CCDC82: variants seen among roughly 807,000 people sequenced by gnomAD.
The protein encoded by CCDC82 is coiled-coil domain-containing protein 82.
CCDC82 carries 47 observed loss-of-function variants against 60.6 expected under a neutral mutation model. That is an observed-to-expected ratio of 0.77 (90% CI 0.61 to 0.99). The LOEUF (loss-of-function observed/expected upper bound fraction) is 0.99. CCDC82 is among the 50% of genes least tolerant of loss of function. The pLI is 0.00. For missense variants in CCDC82, 588 were observed against 633.0 expected (o/e 0.93, Z 0.76); for synonymous variants, 212 against 207.4 (o/e 1.02, Z -0.19).
intron 9 of CCDC82, chr11:96,356,458 C>T: frequency 1.0e-6 from 1 of 985,372 alleles, no homozygotes; most frequent in Non-Finnish European, 1.2e-6. Context: ...CTTCTATTGA[C>T]ATGCTTTCTT....
chr11:96,356,687 ATCT>A, intron 9 of CCDC82: 5 of 951,196 alleles, frequency 5.3e-6, no homozygotes, highest in Non-Finnish European at 6.3e-6. Flanking sequence ...TTTTCCTATT[ATCT>A]ATTCTTTTCT....
intron 5 of CCDC82, among the ~76,000 whole-genome samples, chr11:96,379,283 A>C (rs1210347445): frequency 6.6e-6 from 1 of 151,906 alleles, no homozygotes; most frequent in Admixed American, 6.6e-5. Flanking sequence ...TTATATTTAG[A>C]TATGGTATAA....
chr11:96,365,618 T>C (rs1227732285), intron 7 of CCDC82, among the ~76,000 whole-genome samples: 1 of 152,210 alleles, frequency 6.6e-6, no homozygotes, highest in Non-Finnish European at 1.5e-5. Flanking sequence ...AATCCTCCTA[T>C]GATAACTTAC....
At chr11:96,353,821 G>A (rs1259936801) in intron 9 of CCDC82, 107 bp from the exon 10 acceptor site, 8 of 701,962 alleles carry the variant, frequency 1.1e-5, no homozygotes, top group African/African-American at 1.8e-5. Flanking sequence ...CATGGTAATC[G>A]TGAACAAAAA....
At position 96,384,571 on chromosome 11, in the gene CCDC82, T is replaced by G. The variant is rs762305827; in HGVS notation, c.177A>C (p.Glu59Asp). The change falls in exon 4 of 10, where the codon GAA becomes GAC. Residue 59 changes from glutamate (E) to aspartate (D), a missense_variant. Transcript: ENST00000646818. ...FDSDEELDSDESFENDEELDS... is the reference protein window; with the variant it reads ...FDSDEELDSDDSFENDEELDS... ...CAAGCTCTTCATCATTTTCAAAACT[T>G]TCATCACTATCAAGCTCTTCATCAC... The G allele has an allele frequency of 1.9e-6, 3 of 1,613,570 alleles. No homozygotes were observed. The highest frequency in any genetic ancestry group is 2.7e-5 in the African/African-American group (2 of 74,908).
rs1865237747 is a variant in CCDC82 at position 96,371,097 on chromosome 11, T to C, written c.1125A>G (p.Thr375=). 4 of 1,603,920 alleles carry C rather than the reference T, an allele frequency of 2.5e-6. No homozygotes were observed. Among genetic ancestry groups the C allele is most frequent in the Non-Finnish European group, 3.4e-6 (4 of 1,175,290 alleles). ...AGCGGTTATCCAAATAATGAAGAGA[T>C]GTTAGCATATCTTTTGCATATGATT... The part of the protein sequence containing the change: ...RQKSYAKDML[T]SLHYLDNRFV... The change falls in exon 7 of 10, where the codon ACA becomes ACG. Residue 375 remains threonine (T), a synonymous_variant. Transcript: ENST00000646818.
At chr11:96,357,767 T>C in intron 9 of CCDC82, 2 of 985,410 alleles carry the variant, frequency 2.0e-6, no homozygotes, top group Non-Finnish European at 2.4e-6. Context: ...GAATTTAATG[T>C]TGTCTAGGAA....
At chr11:96,383,850 T>C in intron 4 of CCDC82, 112 bp downstream of exon 4, 1 of 982,184 alleles carries the variant, frequency 1.0e-6, no homozygotes, top group Non-Finnish European at 1.5e-6. Context: ...GATTAAAAAA[T>C]AAATTCTAGA....
At position 96,371,005 on chromosome 11, in the gene CCDC82, C is replaced by T. The variant is rs1865232045; in HGVS notation, c.1209+8G>A. On this transcript the variant is annotated splice_region_variant and intron_variant, in intron 7 of 9. Transcript: ENST00000646818. ...CCCCAAGCAGAGATTCAAAAACAAA[C>T]TGTGTACCTTATATTGCTCTTTCCA... The T allele has an allele frequency of 6.4e-7, 1 of 1,560,940 alleles. No homozygotes were observed. The highest frequency in any genetic ancestry group is 1.3e-5 in the South Asian group (1 of 79,492).
chr11:96,357,209 G>T, intron 9 of CCDC82: 1 of 985,256 alleles, frequency 1.0e-6, no homozygotes, highest in Non-Finnish European at 1.2e-6. Context: ...GCTGCAAATG[G>T]GTTTATATTG....
intron 5 of CCDC82, among the ~76,000 whole-genome samples, chr11:96,379,971 T>C (rs955160483): frequency 2.0e-5 from 3 of 151,508 alleles, no homozygotes; most frequent in Non-Finnish European, 4.4e-5. Context: ...TAAATAGTAA[T>C]AGAGGAAAGG....
At chr11:96,364,787 GCA>G (rs1046752659) in intron 8 of CCDC82, 191 bp downstream of exon 8, 22 of 507,386 alleles carry the variant, frequency 4.3e-5, no homozygotes, top group Non-Finnish European at 7.0e-5. Context: ...TCTAGTTGAA[GCA>G]CAGTGTTTTT....
intron 7 of CCDC82, among the ~76,000 whole-genome samples, chr11:96,368,724 G>C (rs1469497895): frequency 6.6e-6 from 1 of 152,090 alleles, no homozygotes; most frequent in East Asian, 1.9e-4. Context: ...AAATCAGCCA[G>C]GCGTGGTGGC....
At position 96,383,392 on chromosome 11, in the gene CCDC82, C is replaced by T. The variant is rs140141313; in HGVS notation, c.868G>A (p.Gly290Arg). The T allele has an allele frequency of 1.4e-4, 227 of 1,600,304 alleles. 2 individuals are homozygous for T. Among genetic ancestry groups the T allele is most frequent in the Non-Finnish European group, 7.6e-5 (89 of 1,171,112 alleles). Reference sequence around the variant, plus strand: ...AAGTCATCGATAATATAATCATCTCCATCTTCATCAGATTCATAATTATCC... The same window carrying T: ...AAGTCATCGATAATATAATCATCTCTATCTTCATCAGATTCATAATTATCC... ...EEDNYESDED[G>R]DDYIIDDFVV... Residue 290 changes from glycine to arginine, a missense_variant, in exon 5 of 10, where the codon GGA (glycine) becomes AGA (arginine). By Grantham distance (125) the Gly-to-Arg change is moderately radical (BLOSUM62 -2). Transcript: ENST00000646818.
chr11:96,378,980 C>T (rs929848841), intron 5 of CCDC82, among the ~76,000 whole-genome samples: 4 of 151,912 alleles, frequency 2.6e-5, no homozygotes, highest in African/African-American at 2.4e-5. Flanking sequence ...AAGAATTGCT[C>T]ACTTCAAAAA....
In CCDC82 at chr11:96,384,528, C is replaced by G; in HGVS notation, c.220G>C (p.Asp74His). 1 of 1,613,686 alleles carries G rather than the reference C, an allele frequency of 6.2e-7. No individual in the cohort carries two copies. Reference protein sequence around the residue: ...DEELDSNKGPDCNKTPGSERE... With the variant: ...DEELDSNKGPHCNKTPGSERE... ...TCACTTCCTGGTGTTTTATTACAATCAGGTCCCTTGTTACTATCAAGCTCT... is the reference window on the plus strand; with the variant it reads ...TCACTTCCTGGTGTTTTATTACAATGAGGTCCCTTGTTACTATCAAGCTCT... The change falls in exon 4 of 10, where the codon GAT (aspartate) becomes CAT (histidine). Residue 74 changes from aspartate (D) to histidine (H), a missense_variant. Physicochemically the swap from Asp to His is moderately conservative, Grantham distance 81. Transcript: ENST00000646818.
At chr11:96,371,904 C>A (rs754210527) in intron 6 of CCDC82, among the ~76,000 whole-genome samples, 15 of 152,210 alleles carry the variant, frequency 9.9e-5, no homozygotes, top group Non-Finnish European at 2.1e-4. Context: ...TCTCTATATA[C>A]ATCTGTCATC....
At chr11:96,357,579 T>A (rs1010421869) in intron 9 of CCDC82, 2 of 985,022 alleles carry the variant, frequency 2.0e-6, no homozygotes, top group Non-Finnish European at 1.2e-6. Flanking sequence ...AATGCTTTTT[T>A]CTTCAAGAAG....
At chr11:96,374,846 AATTT>A (rs200641915) in intron 5 of CCDC82, among the ~76,000 whole-genome samples, 1,743 of 152,200 alleles carry the variant, frequency 0.011, 14 homozygotes, top group East Asian at 0.021. Context: ...AATGGTTATG[AATTT>A]ATTTATTAGA....
Sources: gnomAD v4.1 joint callset for allele counts (sites outside exome capture counted in the v4.1 genomes callset) on GRCh38, gnomAD v4.1.1 for gene constraint, MANE v1.5 for transcripts, NCBI Gene and HGNC (gene_info 2026-07-23, HGNC 2026-07-21) for gene names.